Variants in CHST1 observed in about 807,000 individuals in gnomAD.
The protein encoded by CHST1 is Keratan sulfotransferase.
In CHST1, 10 loss-of-function variants were observed where a neutral mutation model predicts 22.5. That is an observed-to-expected ratio of 0.44 (90% CI 0.27 to 0.75). The LOEUF (loss-of-function observed/expected upper bound fraction) is 0.75, where lower values mean the gene tolerates loss of function less well. Ranked by LOEUF, CHST1 falls within the 30% of genes least tolerant of loss-of-function variation. The pLI is 0.15. For synonymous variants in CHST1, 267 were observed against 264.5 expected (o/e 1.01, Z -0.09); for missense variants, 439 against 576.1 (o/e 0.76, Z 2.44).
chr11:45,650,615 G>T lies in CHST1; in HGVS notation c.309C>A (p.Arg103=). 3 of 1,614,098 alleles carry T rather than the reference G, an allele frequency of 1.9e-6. No homozygotes were observed. Among genetic ancestry groups the T allele is most frequent in the Non-Finnish European group, 2.5e-6 (3 of 1,179,988 alleles). ...LYHVQNTLIP[R]FTQGKSPADR... ...CGGCCGGGCTCTTGCCCTGGGTGAA[G>T]CGGGGGATGAGCGTGTTCTGGACGT... The change falls in exon 4 of 4, where the codon CGC becomes CGA. Residue 103 remains arginine (R), a synonymous_variant. Transcript: ENST00000308064.
Position 45,660,277 on chromosome 11 carries a change from C to A in CHST1, c.-227+4901G>T, listed in dbSNP as rs202064265. 9.9e-5 allele frequency among the ~76,000 whole-genome samples: 15 copies of A among 152,250 alleles called. No homozygotes were observed. In the East Asian group the frequency reaches 2.9e-3, roughly 29 times the overall value. On this transcript the variant is annotated intron_variant, in intron 1 of 3. Transcript: ENST00000308064. ...CAACTCAGAAGTGGCAGGAAGAGAA[C>A]GAACGGATTTCAGGCTGTGGGGGTT...
chr11:45,659,018 C>T (rs1460649615), intron 1 of CHST1, among the ~76,000 whole-genome samples: 2 of 152,184 alleles, frequency 1.3e-5, no homozygotes, highest in Non-Finnish European at 2.9e-5. Flanking sequence ...TGGCTGGCCC[C>T]GTGGGGACGA....
Position 45,650,740 on chromosome 11 carries a change from G to T in CHST1, c.184C>A (p.His62Asn). 3 of 1,614,132 alleles carry T rather than the reference G, an allele frequency of 1.9e-6. No homozygotes were observed. The highest frequency in any genetic ancestry group is 2.5e-6 in the Non-Finnish European group (3 of 1,179,980). Residue 62 changes from histidine to asparagine, a missense_variant, in exon 4 of 4, where the codon CAC (histidine) becomes AAC (asparagine). His to Asn is a moderately conservative substitution (Grantham distance 68). Coordinates refer to ENST00000308064, the MANE Select transcript of CHST1 (RefSeq NM_003654.6). ...CGCGTGGTGGCCAGGATGAGGATGT[G>T]GGTCTTGCGGGAGAGGTTGTAGGCG... ...TFAYNLSRKTHILILATTRSG... is the reference protein window; with the variant it reads ...TFAYNLSRKTNILILATTRSG...
intron 1 of CHST1, among the ~76,000 whole-genome samples, chr11:45,664,750 C>A (rs1360781162): frequency 1.3e-5 from 2 of 152,206 alleles, no homozygotes; most frequent in Non-Finnish European, 2.9e-5. Context: ...GCGGCGCCCC[C>A]GCCTCCGGGT....
chr11:45,654,115 C>T (rs1333462887), intron 1 of CHST1, among the ~76,000 whole-genome samples: 1 of 152,204 alleles, frequency 6.6e-6, no homozygotes, highest in Non-Finnish European at 1.5e-5. Context: ...GGTTCCAATT[C>T]CAAAAGCAGA....
In CHST1 at chr11:45,648,596, C is replaced by T. The variant is rs917301905; in HGVS notation, c.*1092G>A. On this transcript the variant is annotated 3_prime_UTR_variant, in exon 4 of 4. Transcript: ENST00000308064. ...GTCCCAGTCACTCGGGAGGCTGAGG[C>T]GGGAGAACTGCTTGAACCTGGGAGG... 1.5e-4 allele frequency among the ~76,000 whole-genome samples: 22 copies of T among 151,656 alleles called. No individual in the cohort carries two copies. The highest frequency in any genetic ancestry group is 4.6e-4 in the African/African-American group (19 of 41,252).
Position 45,650,000 on chromosome 11 carries a change from G to A in CHST1, c.924C>T (p.Asn308=). The A allele has an allele frequency of 6.2e-7, 1 of 1,614,060 alleles. No homozygotes were observed. Residue 308 remains asparagine (N), a synonymous_variant, in exon 4 of 4, where the codon AAC becomes AAT. Transcript: ENST00000308064. ...AGATCTCCTCGGTCTTCTTCATAGG[G>A]TTCCGAGCCAGGTCCTCGTAGCGCA... The part of the protein sequence containing the change: ...MLVRYEDLAR[N]PMKKTEEIYG...
At chr11:45,664,664 G>T (rs1456891357) in intron 1 of CHST1, among the ~76,000 whole-genome samples, 2 of 152,210 alleles carry the variant, frequency 1.3e-5, no homozygotes, top group Non-Finnish European at 2.9e-5. Context: ...CGGCGGCTCC[G>T]GCCCCACAGG....
chr11:45,658,499 T>C (rs978213249), intron 1 of CHST1, among the ~76,000 whole-genome samples: 20 of 152,256 alleles, frequency 1.3e-4, no homozygotes, highest in African/African-American at 4.6e-4. Flanking sequence ...CTGACTGTTG[T>C]GGCTGCAGAG....
rs1851949132 is a variant in CHST1 at position 45,648,711 on chromosome 11, CCTAAA to C, written c.*972_*976del. Among the ~76,000 whole-genome samples the C allele has an allele frequency of 6.6e-6, 1 of 151,890 alleles. No individual in the cohort carries two copies. Among genetic ancestry groups the C allele is most frequent in the Non-Finnish European group, 1.5e-5 (1 of 67,944 alleles). On this transcript the variant is annotated 3_prime_UTR_variant, in exon 4 of 4. Transcript: ENST00000308064. ...GTCTCAAAACAAAACAAAACAAAAACCTAAACTAAACTCAGTGTTGAGGGTGACAA... is the reference window on the plus strand; with the variant it reads ...GTCTCAAAACAAAACAAAACAAAAACCTAAACTCAGTGTTGAGGGTGACAA...
intron 1 of CHST1, among the ~76,000 whole-genome samples, chr11:45,662,440 A>G (rs1458270832): frequency 6.6e-6 from 1 of 152,176 alleles, no homozygotes; most frequent in East Asian, 1.9e-4. Context: ...TGCTCCGTAG[A>G]AAAAAATGGC....
rs1011602992 is a variant in CHST1, at chr11:45,647,896, T to C, written c.*1792A>G. Reference sequence around the variant, plus strand: ...ACACATATAAAATAGCCCAGGACTGTGTTTCCTCAGGAAGCCCTTCTTCCA... The same window carrying C: ...ACACATATAAAATAGCCCAGGACTGCGTTTCCTCAGGAAGCCCTTCTTCCA... On this transcript the variant is annotated 3_prime_UTR_variant, in exon 4 of 4. Coordinates refer to ENST00000308064, the MANE Select transcript of CHST1 (RefSeq NM_003654.6). Among the ~76,000 whole-genome samples, 2 of 152,202 alleles carry C rather than the reference T, an allele frequency of 1.3e-5. No individual in the cohort carries two copies. The highest frequency in any genetic ancestry group is 4.8e-5 in the African/African-American group (2 of 41,456).
rs1009161179 is a variant in CHST1, at chr11:45,649,506, T to G, written c.*182A>C. The G allele has an allele frequency of 1.5e-6, 1 of 654,056 alleles. No individual in the cohort carries two copies. The highest frequency in any genetic ancestry group is 1.8e-5 in the African/African-American group (1 of 54,056). 40.5% of individuals were successfully genotyped at this position (654,056 alleles called of 1,614,324 possible). On this transcript the variant is annotated 3_prime_UTR_variant, in exon 4 of 4. Transcript: ENST00000308064. ...GCGCCCTCTGCCCCAGTGATTCCCG[T>G]CCAAGACGTAGTGCAAATTTCAGAG...
At position 45,650,243 on chromosome 11, in the gene CHST1, G is replaced by T; in HGVS notation, c.681C>A (p.Leu227=). The part of the protein sequence containing the change: ...RALVEDPRLN[L]KVIQLVRDPR... ...GGTCTCGGACCAGCTGGATGACCTTGAGGTTTAATCGCGGGTCTTCCACCA... is the reference window on the plus strand; with the variant it reads ...GGTCTCGGACCAGCTGGATGACCTTTAGGTTTAATCGCGGGTCTTCCACCA... Residue 227 remains leucine (L), a synonymous_variant, in exon 4 of 4, where the codon CTC becomes CTA. Coordinates refer to ENST00000308064, the MANE Select transcript of CHST1 (RefSeq NM_003654.6). The T allele has an allele frequency of 6.2e-7, 1 of 1,608,802 alleles. No homozygotes were observed. Among genetic ancestry groups the T allele is most frequent in the Non-Finnish European group, 8.5e-7 (1 of 1,179,664 alleles).
intron 1 of CHST1, among the ~76,000 whole-genome samples, chr11:45,658,867 C>T (rs1196547785): frequency 2.0e-5 from 3 of 152,016 alleles, no homozygotes; most frequent in Non-Finnish European, 4.4e-5. Flanking sequence ...ACCGGGGCTC[C>T]GGCCCATCCT....
chr11:45,655,546 T>C (rs1391771783), intron 1 of CHST1, among the ~76,000 whole-genome samples: 1 of 152,226 alleles, frequency 6.6e-6, no homozygotes, highest in African/African-American at 2.4e-5. Flanking sequence ...CGGGAGGTGA[T>C]GTTGCAAGAT....
Position 45,649,551 on chromosome 11 carries a change from G to A in CHST1, c.*137C>T. On this transcript the variant is annotated 3_prime_UTR_variant, in exon 4 of 4. Transcript: ENST00000308064. Reference sequence around the variant, plus strand: ...TCAGAGACAAAAAAGGGGCAGAAGGGAGTGGGGTGAGCTGGGGGCAGGAAG... The same window carrying A: ...TCAGAGACAAAAAAGGGGCAGAAGGAAGTGGGGTGAGCTGGGGGCAGGAAG... 2 of 898,982 alleles carry A rather than the reference G, an allele frequency of 2.2e-6. No homozygotes were observed. The highest frequency in any genetic ancestry group is 3.4e-6 in the Non-Finnish European group (2 of 589,860). The allele number at this position is 898,982 out of a possible 1,614,324, so 55.7% of individuals were successfully genotyped here. A position where few individuals can be genotyped will look rare whatever the true frequency, so the allele number is the denominator to read the frequency against.
chr11:45,647,723 G>C lies in CHST1; in HGVS notation c.*1965C>G, dbSNP rs376552179. Among the ~76,000 whole-genome samples, 1 of 152,274 alleles carries C rather than the reference G, an allele frequency of 6.6e-6. No individual in the cohort carries two copies. Among genetic ancestry groups the C allele is most frequent in the South Asian group, 2.1e-4 (1 of 4,816 alleles). Reference sequence around the variant, plus strand: ...ACGTTGTGAATGTATTTAATGAATGGTACACCTTAAAAAGGTTAAGATGGT... The same window carrying C: ...ACGTTGTGAATGTATTTAATGAATGCTACACCTTAAAAAGGTTAAGATGGT... On this transcript the variant is annotated 3_prime_UTR_variant, in exon 4 of 4. Transcript: ENST00000308064.
rs1441595487 is a variant in CHST1 at position 45,650,639 on chromosome 11, G to A, written c.285C>T (p.His95=). 3.1e-6 allele frequency: 5 copies of A among 1,614,034 alleles called. No individual in the cohort carries two copies. The highest frequency in any genetic ancestry group is 1.3e-5 in the African/African-American group (1 of 74,950). Residue 95 remains histidine, a synonymous_variant, in exon 4 of 4, where the codon CAC becomes CAT. Coordinates refer to ENST00000308064, the MANE Select transcript of CHST1 (RefSeq NM_003654.6). ...AGCGGGGGATGAGCGTGTTCTGGAC[G>A]TGGTAGAGGGGCTCAAACAGGTAGA... ...DVFYLFEPLY[H]VQNTLIPRFT... is the part of the protein sequence containing the mutation.
Sources: gnomAD v4.1 joint callset for allele counts (sites outside exome capture counted in the v4.1 genomes callset) on GRCh38, gnomAD v4.1.1 for gene constraint, MANE v1.5 for transcripts, NCBI Gene and HGNC (gene_info 2026-07-23, HGNC 2026-07-21) for gene names.